The following HIVEP3 variants were observed in gnomAD, a reference collection of about 807,000 sequenced individuals.
The protein encoded by HIVEP3 is HIVEP zinc finger 3.
A neutral mutation model predicts 152.8 loss-of-function variants in HIVEP3; 49 were observed. The observed-to-expected ratio is 0.32, with a 90% CI of 0.26 to 0.41. The LOEUF (loss-of-function observed/expected upper bound fraction) is 0.41, where lower values mean the gene tolerates loss of function less well. Among genes scored for constraint, HIVEP3 ranks in the 10% least tolerant of loss-of-function variants. HIVEP3 has a pLI of 1.00. For synonymous variants in HIVEP3, 1,269 were observed against 1,289.0 expected (o/e 0.98, Z 0.33); for missense variants, 2,790 against 3,103.3 (o/e 0.90, Z 2.40).
intron 1 of HIVEP3, among the ~76,000 whole-genome samples, chr1:41,749,404 T>TGTGTGTG (rs1553255923): frequency 7.1e-6 from 1 of 140,678 alleles, no homozygotes; most frequent in African/African-American, 2.6e-5. Flanking sequence ...TTAGAAAAAA[T>TGTGTGTG]TGTGTGTGTG....
At chr1:41,550,356 C>A (rs946520355) in intron 5 of HIVEP3, among the ~76,000 whole-genome samples, 3 of 152,144 alleles carry the variant, frequency 2.0e-5, no homozygotes, top group Admixed American at 6.5e-5. Flanking sequence ...CTTGGCAGTG[C>A]GGGCTTTTTT....
intron 1 of HIVEP3, among the ~76,000 whole-genome samples, chr1:41,978,997 C>T (rs1645280021): frequency 6.6e-6 from 1 of 152,108 alleles, no homozygotes. Context: ...AAGAAGGCAT[C>T]CTCTCTTCCC....
intron 6 of HIVEP3, among the ~76,000 whole-genome samples, chr1:41,519,696 G>C (rs1223857760): frequency 6.6e-6 from 1 of 152,206 alleles, no homozygotes; most frequent in East Asian, 1.9e-4. Flanking sequence ...TGGATGAATA[G>C]AGCGATTGGT....
chr1:41,598,198 T>A (rs1418410663), intron 3 of HIVEP3, among the ~76,000 whole-genome samples: 2 of 152,184 alleles, frequency 1.3e-5, no homozygotes, highest in Non-Finnish European at 2.9e-5. Flanking sequence ...CAGTCTCTCA[T>A]CAACACCGCC....
chr1:41,779,760 GTGC>G (rs1177287630), intron 1 of HIVEP3, among the ~76,000 whole-genome samples: 4 of 152,190 alleles, frequency 2.6e-5, no homozygotes, highest in African/African-American at 7.2e-5. Flanking sequence ...GCCTCCCAAA[GTGC>G]TGGGATTAAA....
intron 3 of HIVEP3, among the ~76,000 whole-genome samples, chr1:41,607,943 G>T (rs926719807): frequency 4.6e-5 from 7 of 152,172 alleles, no homozygotes; most frequent in Non-Finnish European, 1.0e-4. Flanking sequence ...GAACGATAAA[G>T]GGGAGGGCAG....
In HIVEP3 at chr1:41,533,067, G is replaced by A. The variant is rs1643308325; in HGVS notation, c.5208-8157C>T. Among the ~76,000 whole-genome samples, 1 of 152,192 alleles carries A rather than the reference G, an allele frequency of 6.6e-6. No individual in the cohort carries two copies. Among genetic ancestry groups the A allele is most frequent in the Non-Finnish European group, 1.5e-5 (1 of 68,018 alleles). ...CATGGCTGGACATCCCAGAGAGCTT[G>A]AGGAAGACGGCTGCTGAGGACCCAG... On this transcript the variant is annotated intron_variant, in intron 5 of 8. Coordinates refer to ENST00000372583, the MANE Select transcript of HIVEP3 (RefSeq NM_024503.5). The surrounding 1 kb of genome is among the most constrained non-coding windows in gnomAD (Gnocchi z 4.3).
At chr1:41,607,668 GT>G (rs566392015) in intron 3 of HIVEP3, among the ~76,000 whole-genome samples, 260 of 151,070 alleles carry the variant, frequency 1.7e-3, no homozygotes, top group Admixed American at 3.2e-3. Flanking sequence ...GGTGATTTTG[GT>G]TATCCAATAT....
At chr1:42,034,929 C>G (rs1645632574) in intron 1 of HIVEP3, among the ~76,000 whole-genome samples, 1 of 152,206 alleles carries the variant, frequency 6.6e-6, no homozygotes, top group African/African-American at 2.4e-5. Flanking sequence ...CCTCGAGCAA[C>G]CAGAAGACAT....
chr1:41,807,318 C>T (rs1650691675), intron 1 of HIVEP3, among the ~76,000 whole-genome samples: 1 of 152,066 alleles, frequency 6.6e-6, no homozygotes, highest in African/African-American at 2.4e-5. Flanking sequence ...AACATATGAC[C>T]CTGTCATCTG....
chr1:41,786,433 T>A (rs181608687), intron 1 of HIVEP3, among the ~76,000 whole-genome samples: 3 of 152,342 alleles, frequency 2.0e-5, no homozygotes, highest in African/African-American at 7.2e-5. Flanking sequence ...TCACTTCTGA[T>A]TTTACAGTCC....
intron 1 of HIVEP3, among the ~76,000 whole-genome samples, chr1:41,965,361 A>G (rs1645191836): frequency 6.6e-6 from 1 of 152,230 alleles, no homozygotes; most frequent in African/African-American, 2.4e-5. Context: ...AAATGACTGC[A>G]ATACCTCTCC....
In HIVEP3 at chr1:41,581,389, G is replaced by A. The variant is rs761571670; in HGVS notation, c.3409C>T (p.Pro1137Ser). ...AGGGAGACTGGTGGGGGCAGGTATG[G>A]CTTCTCATGCAGGGGTGTCTGGGCA... ...PVAQTPLHEK[P>S]YLPPPVSLFS... The change falls in exon 4 of 9, where the codon CCA (proline) becomes TCA (serine). Residue 1137 changes from proline (P) to serine (S), a missense_variant. Transcript: ENST00000372583. The surrounding 1 kb of genome is among the most constrained non-coding windows in gnomAD (Gnocchi z 4.5). 6 of 1,610,530 alleles carry A rather than the reference G, an allele frequency of 3.7e-6. No individual in the cohort carries two copies. In the South Asian group the frequency reaches 5.5e-5, roughly 15 times the overall value.
chr1:41,709,215 C>T (rs1646477793), intron 1 of HIVEP3, among the ~76,000 whole-genome samples: 1 of 152,202 alleles, frequency 6.6e-6, no homozygotes, highest in African/African-American at 2.4e-5. Flanking sequence ...GTACGTTTTT[C>T]AGCTTTTGAA....
chr1:41,603,580 G>A (rs913124214), intron 3 of HIVEP3, among the ~76,000 whole-genome samples: 1 of 151,916 alleles, frequency 6.6e-6, no homozygotes, highest in African/African-American at 2.4e-5. Flanking sequence ...AGCTGGTCTT[G>A]AACTCCTGAC....
chr1:41,829,582 A>T (rs1464694520), intron 1 of HIVEP3, among the ~76,000 whole-genome samples: 1 of 151,884 alleles, frequency 6.6e-6, no homozygotes, highest in East Asian at 1.9e-4. Flanking sequence ...TAATAAATAC[A>T]ATTATAAATA....
intron 5 of HIVEP3, among the ~76,000 whole-genome samples, chr1:41,566,389 C>T (rs1318055430): frequency 6.6e-6 from 1 of 152,168 alleles, no homozygotes; most frequent in Admixed American, 6.5e-5. Flanking sequence ...TGCAGGTCCC[C>T]AGGGCTTTGC....
intron 1 of HIVEP3, among the ~76,000 whole-genome samples, chr1:41,815,693 G>C (rs931513241): frequency 6.6e-6 from 1 of 151,864 alleles, no homozygotes; most frequent in Non-Finnish European, 1.5e-5. Flanking sequence ...GGAGAACCAG[G>C]CATGAAAACA....
intron 1 of HIVEP3, among the ~76,000 whole-genome samples, chr1:41,817,655 A>T (rs982460685): frequency 2.0e-5 from 3 of 152,170 alleles, no homozygotes; most frequent in Non-Finnish European, 4.4e-5. Flanking sequence ...TACAGCCAGG[A>T]AGGTGACAGT....
Sources: allele counts gnomAD v4.1 joint callset (sites outside exome capture counted in the v4.1 genomes callset), GRCh38; gene constraint gnomAD v4.1.1; non-coding constraint Gnocchi (gnomAD v3.1); transcripts MANE v1.5; gene names NCBI Gene and HGNC (gene_info 2026-07-23, HGNC 2026-07-21).